AFF2: variants seen among roughly 807,000 people sequenced by gnomAD.
The protein encoded by AFF2 is AF4/FMR2 family member 2.
Under a neutral mutation model 76.9 loss-of-function variants are expected in AFF2, and 14 were observed. The observed-to-expected ratio is 0.18, with a 90% confidence interval of 0.12 to 0.28. AFF2 has a LOEUF of 0.28. Ranked by LOEUF, AFF2 falls within the 10% of genes least tolerant of loss-of-function variation. The pLI, the probability that AFF2 is intolerant of heterozygous loss-of-function variation, is 1.00. For missense variants in AFF2, 868 were observed against 1,001.1 expected (o/e 0.87, Z 1.79); for synonymous variants, 398 against 366.7 (o/e 1.09, Z -0.98).
At chrX:148,708,189 G>A (rs2124524224) in intron 3 of AFF2, among the ~76,000 whole-genome samples, 1 of 111,696 alleles carries the variant, frequency 9.0e-6, no homozygotes, top group African/African-American at 3.2e-5. Flanking sequence ...GAATATTATA[G>A]ATGAGCTTGT....
intron 1 of AFF2, among the ~76,000 whole-genome samples, chrX:148,605,219 G>A (rs2053661917): frequency 1.8e-5 from 2 of 111,710 alleles, no homozygotes; most frequent in Non-Finnish European, 3.8e-5. Context: ...TGAATATTAC[G>A]GTTGAGCAAA....
chrX:148,571,979 A>G (rs1203149968), intron 1 of AFF2, among the ~76,000 whole-genome samples: 2 of 110,758 alleles, frequency 1.8e-5, no homozygotes, highest in Non-Finnish European at 3.8e-5. Context: ...AAGTGAAAAG[A>G]CACATCACAG....
chrX:148,653,822 A>G (rs1264468897), intron 2 of AFF2, among the ~76,000 whole-genome samples: 2 of 111,817 alleles, frequency 1.8e-5, no homozygotes, highest in Non-Finnish European at 3.8e-5. Flanking sequence ...GGTATCATGA[A>G]CAAGTTTTGT....
chrX:148,701,715 C>T (rs1398222621), intron 3 of AFF2, among the ~76,000 whole-genome samples: 1 of 112,305 alleles, frequency 8.9e-6, no homozygotes, highest in Non-Finnish European at 1.9e-5. Flanking sequence ...CACTCACACA[C>T]TCAGTTTTAA....
At chrX:148,606,194 CT>C (rs781878500) in intron 1 of AFF2, among the ~76,000 whole-genome samples, 1 of 111,606 alleles carries the variant, frequency 9.0e-6, no homozygotes, top group Non-Finnish European at 1.9e-5. Flanking sequence ...CATAAAAAGT[CT>C]CATGATCATG....
chrX:148,842,899 T>A, intron 5 of AFF2, 67 bp from the exon 6 acceptor site: 2 of 923,277 alleles, frequency 2.2e-6, no homozygotes, highest in Non-Finnish European at 3.0e-6. Flanking sequence ...CAGCAATAAT[T>A]AATATACCTC....
At chrX:148,748,144 A>C (rs1557266218) in intron 3 of AFF2, among the ~76,000 whole-genome samples, 1 of 112,218 alleles carries the variant, frequency 8.9e-6, no homozygotes, top group Non-Finnish European at 1.9e-5. Context: ...GCCTTTCTGC[A>C]GATAGCACAT....
At chrX:148,581,502 A>ATACGTATACGTATACGTGTACACACATG (rs2053402583) in intron 1 of AFF2, among the ~76,000 whole-genome samples, 1 of 94,747 alleles carries the variant, frequency 1.1e-5, no homozygotes, top group African/African-American at 4.2e-5. Context: ...GTACACACAT[A>ATACGTATACGTATACGTGTACACACATG]TATACGTATA....
chrX:148,758,738 G>A (rs1341976384), intron 3 of AFF2, among the ~76,000 whole-genome samples: 1 of 111,752 alleles, frequency 8.9e-6, no homozygotes, highest in Admixed American at 9.5e-5. Context: ...CTTTGGTATT[G>A]TAAATAGAGC....
chrX:148,804,039 C>G (rs1353721806), intron 3 of AFF2, among the ~76,000 whole-genome samples: 1 of 111,772 alleles, frequency 8.9e-6, no homozygotes, highest in Non-Finnish European at 1.9e-5. Context: ...ACCAAACTAT[C>G]TCCTCAGTGG....
intron 1 of AFF2, among the ~76,000 whole-genome samples, chrX:148,528,288 G>A (rs1353977819): frequency 9.0e-6 from 1 of 111,599 alleles, no homozygotes; most frequent in Non-Finnish European, 1.9e-5. Flanking sequence ...TTCTACTTTG[G>A]GAAAACTTTA....
chrX:148,867,430 G>A (rs1557276936), intron 7 of AFF2, among the ~76,000 whole-genome samples: 1 of 112,396 alleles, frequency 8.9e-6, no homozygotes, highest in Non-Finnish European at 1.9e-5. Context: ...ACAGGGCTAA[G>A]TTTGGTAGAG....
intron 8 of AFF2, among the ~76,000 whole-genome samples, chrX:148,889,105 T>A (rs781853332): frequency 4.6e-4 from 51 of 111,920 alleles, no homozygotes; most frequent in African/African-American, 1.6e-3. Flanking sequence ...GCAATCTTTT[T>A]CAAACAGTAT....
chrX:148,882,463 A>G (rs1603330362), intron 7 of AFF2, among the ~76,000 whole-genome samples: 1 of 112,005 alleles, frequency 8.9e-6, no homozygotes, highest in East Asian at 2.8e-4. Flanking sequence ...GGATGACTAG[A>G]CCCTGAACAG....
rs2124469436 is a variant in AFF2 at position 148,662,731 on chromosome X, C to T, written c.1004C>T (p.Thr335Ile). 4 of 1,210,624 alleles carry T rather than the reference C, an allele frequency of 3.3e-6. No homozygotes were observed. In the East Asian group the frequency reaches 1.2e-4, roughly 36 times the overall value. ...AAACCCAGTGCAGCCAGTTCAAAGA[C>T]TAAACTGCCAAAGTTCACCATCCTC... ...DGKPSAASSK[T>I]KLPKFTILQT... The change falls in exon 3 of 21, where the codon ACT becomes ATT. Residue 335 changes from threonine to isoleucine, a missense_variant. By Grantham distance (89) the Thr-to-Ile change is moderately conservative. Coordinates refer to ENST00000370460, the MANE Select transcript of AFF2 (RefSeq NM_002025.4).
At chrX:148,773,710 G>GAAAGAAAGAA (rs2069626396) in intron 3 of AFF2, among the ~76,000 whole-genome samples, 1 of 94,306 alleles carries the variant, frequency 1.1e-5, no homozygotes, top group Non-Finnish European at 2.0e-5. Flanking sequence ...AAGAAAGAAA[G>GAAAGAAAGAA]AAAGAAAGAA....
chrX:148,709,123 A>G (rs1366690227), intron 3 of AFF2, among the ~76,000 whole-genome samples: 1 of 111,462 alleles, frequency 9.0e-6, no homozygotes, highest in East Asian at 2.8e-4. Context: ...ATTATTGTGG[A>G]AAACTAAGAA....
intron 9 of AFF2, among the ~76,000 whole-genome samples, chrX:148,910,340 C>G (rs2071454817): frequency 8.9e-6 from 1 of 112,310 alleles, no homozygotes; most frequent in South Asian, 3.7e-4. Context: ...TATTTAGGTT[C>G]TACAACATTC....
At chrX:148,793,744 C>T (rs2069931305) in intron 3 of AFF2, among the ~76,000 whole-genome samples, 2 of 111,876 alleles carry the variant, frequency 1.8e-5, no homozygotes, top group African/African-American at 6.5e-5. Context: ...CTTCCATTCA[C>T]ATGGTTATGT....
Sources: allele counts gnomAD v4.1 joint callset (sites outside exome capture counted in the v4.1 genomes callset), GRCh38; gene constraint gnomAD v4.1.1; transcripts MANE v1.5; gene names NCBI Gene and HGNC (gene_info 2026-07-23, HGNC 2026-07-21).